The following DNAJC15 variants were observed in gnomAD, a reference collection of about 807,000 sequenced individuals.
DNAJC15 encodes dnaJ homolog subfamily C member 15.
DNAJC15 carries 27 observed loss-of-function variants against 22.4 expected under a neutral mutation model. That is an observed-to-expected ratio of 1.20 (90% CI 0.89 to 1.66). DNAJC15 has a LOEUF of 1.66. Among genes scored for constraint, DNAJC15 ranks in the 40% most tolerant of loss-of-function variants. The pLI is 0.00. For synonymous variants in DNAJC15, 79 were observed against 63.2 expected (o/e 1.25, Z -1.19); for missense variants, 208 against 187.1 (o/e 1.11, Z -0.65).
chr13:43,024,698 T>C (rs2040371574), intron 1 of DNAJC15, among the ~76,000 whole-genome samples: 1 of 151,842 alleles, frequency 6.6e-6, no homozygotes, highest in Admixed American at 6.6e-5. Context: ...CAGGTGGGTT[T>C]GATTTTAACC....
chr13:43,039,276 C>T (rs558400430), intron 1 of DNAJC15, among the ~76,000 whole-genome samples: 5 of 152,248 alleles, frequency 3.3e-5, no homozygotes, highest in Admixed American at 2.6e-4. Context: ...TCTATGATTC[C>T]GTGACATTGA....
At position 43,110,575 on chromosome 13, in the gene DNAJC15, A is replaced by C. The variant is rs1323004478; in HGVS notation, c.*3327A>C. 2.6e-5 allele frequency: 4 copies of C among 152,166 alleles called. No individual in the cohort carries two copies. Among genetic ancestry groups the C allele is most frequent in the Non-Finnish European group, 5.9e-5 (4 of 68,038 alleles). The allele number at this position is 152,166 out of a possible 1,614,324, so 9.4% of individuals were successfully genotyped here. A position where few individuals can be genotyped will look rare whatever the true frequency, so the allele number is the denominator to read the frequency against. The stretch of plus-strand genomic sequence containing the variant: ...CAGAAAGTTTCAGATAATAAATACA[A>C]CTATTTTTCTGCTGTTACCCTTGTA... On this transcript the variant is annotated 3_prime_UTR_variant, in exon 6 of 6. Coordinates refer to ENST00000379221, the MANE Select transcript of DNAJC15 (RefSeq NM_013238.3).
chr13:43,076,424 C>G (rs2040634222), intron 3 of DNAJC15, among the ~76,000 whole-genome samples: 1 of 152,174 alleles, frequency 6.6e-6, no homozygotes, highest in African/African-American at 2.4e-5. Flanking sequence ...AAGCTCTAGT[C>G]ATTTCCTTAG....
Position 43,110,163 on chromosome 13 carries a change from G to A in DNAJC15, c.*2915G>A, listed in dbSNP as rs2040817830. ...TTCTCTGGCCAGCAAGTTGGGCCTG[G>A]TTGTTGGCTGAGAGCCTCAGTTCCT... On this transcript the variant is annotated 3_prime_UTR_variant, in exon 6 of 6. Transcript: ENST00000379221. 6.6e-6 allele frequency: 1 copy of A among 152,220 alleles called. No homozygotes were observed. Among genetic ancestry groups the A allele is most frequent in the African/African-American group, 2.4e-5 (1 of 41,442 alleles). 9.4% of individuals were successfully genotyped at this position (152,220 alleles called of 1,614,324 possible).
chr13:43,065,010 T>C (rs888918821), intron 1 of DNAJC15, among the ~76,000 whole-genome samples: 3 of 151,954 alleles, frequency 2.0e-5, no homozygotes, highest in Admixed American at 6.6e-5. Flanking sequence ...AGGATTACCA[T>C]TGATCCTTGC....
chr13:43,024,030 T>C (rs532757768), intron 1 of DNAJC15, among the ~76,000 whole-genome samples: 2 of 152,352 alleles, frequency 1.3e-5, no homozygotes, highest in Admixed American at 6.5e-5. Context: ...ATGTGGATTT[T>C]CCTATCTCAT....
chr13:43,103,115 A>G (rs1417232430), intron 5 of DNAJC15, among the ~76,000 whole-genome samples: 2 of 152,112 alleles, frequency 1.3e-5, no homozygotes, highest in African/African-American at 4.8e-5. Flanking sequence ...TCTCTCTCGA[A>G]TGCTAATTTC....
intron 1 of DNAJC15, among the ~76,000 whole-genome samples, chr13:43,060,847 G>A (rs377641679): frequency 6.6e-6 from 1 of 152,160 alleles, no homozygotes; most frequent in African/African-American, 2.4e-5. Flanking sequence ...AAATGACTGC[G>A]GTGGTCTTCT....
At chr13:43,078,086 A>C (rs558152940) in intron 3 of DNAJC15, among the ~76,000 whole-genome samples, 6 of 152,242 alleles carry the variant, frequency 3.9e-5, no homozygotes, top group African/African-American at 1.4e-4. Flanking sequence ...TCTGGTTCCC[A>C]TTATATCTCG....
At chr13:43,055,889 C>T (rs1001673274) in intron 1 of DNAJC15, among the ~76,000 whole-genome samples, 13 of 152,054 alleles carry the variant, frequency 8.5e-5, no homozygotes, top group African/African-American at 3.1e-4. Flanking sequence ...TATGAACTTT[C>T]CTCTTAGCAC....
chr13:43,057,469 G>T (rs977760585), intron 1 of DNAJC15, among the ~76,000 whole-genome samples: 7 of 151,804 alleles, frequency 4.6e-5, no homozygotes, highest in African/African-American at 1.5e-4. Context: ...TTTCTTTATG[G>T]TATCTATTTC....
At chr13:43,058,841 G>A (rs1231003269) in intron 1 of DNAJC15, among the ~76,000 whole-genome samples, 1 of 152,060 alleles carries the variant, frequency 6.6e-6, no homozygotes, top group East Asian at 1.9e-4. Context: ...TTTAATTTTC[G>A]CTCAGCTCTC....
intron 5 of DNAJC15, among the ~76,000 whole-genome samples, chr13:43,096,345 T>C (rs1051226948): frequency 2.0e-5 from 3 of 152,192 alleles, no homozygotes; most frequent in African/African-American, 7.2e-5. Context: ...ACTGCAATCC[T>C]CTATTTATTT....
chr13:43,054,121 CT>C (rs989086228), intron 1 of DNAJC15, among the ~76,000 whole-genome samples: 2 of 151,344 alleles, frequency 1.3e-5, no homozygotes, highest in South Asian at 4.1e-4. Context: ...TGATGGAATG[CT>C]GGATTTTGTC....
chr13:43,107,524 TACACACACAC>T lies in DNAJC15; in HGVS notation c.*299_*308del, dbSNP rs57085120. Reference sequence around the variant, plus strand: ...TTTTGTTATGTTCTGAATTCCCCCCTACACACACACACACACACACACACACACACACGTG... The same window carrying T: ...TTTTGTTATGTTCTGAATTCCCCCCTACACACACACACACACACACACGTG... On this transcript the variant is annotated 3_prime_UTR_variant, in exon 6 of 6. Transcript: ENST00000379221. 3,933 of 161,614 alleles carry T rather than the reference TACACACACAC, an allele frequency of 0.024. 72 individuals are homozygous for T. The highest frequency in any genetic ancestry group is 0.037 in the Non-Finnish European group (2,760 of 75,288). 10.0% of individuals were successfully genotyped at this position (161,614 alleles called of 1,614,324 possible).
chr13:43,056,039 TGCATG>T, intron 1 of DNAJC15, among the ~76,000 whole-genome samples: 1 of 152,316 alleles, frequency 6.6e-6, no homozygotes, highest in Non-Finnish European at 1.5e-5. Context: ...TCTATGTATT[TGCATG>T]GTTTTGAGGG....
intron 5 of DNAJC15, among the ~76,000 whole-genome samples, chr13:43,094,822 C>T (rs1407329074): frequency 6.6e-6 from 1 of 152,132 alleles, no homozygotes; most frequent in Non-Finnish European, 1.5e-5. Flanking sequence ...CTTCTTGTGT[C>T]CATTGCCCAT....
intron 1 of DNAJC15, among the ~76,000 whole-genome samples, chr13:43,045,782 C>T (rs2153440020): frequency 6.6e-6 from 1 of 152,276 alleles, no homozygotes; most frequent in South Asian, 2.1e-4. Flanking sequence ...TCTCTCTTCC[C>T]TCACTCTCAC....
intron 4 of DNAJC15, among the ~76,000 whole-genome samples, chr13:43,079,302 C>T (rs571600693): frequency 6.6e-6 from 1 of 152,216 alleles, no homozygotes; most frequent in Admixed American, 6.5e-5. Flanking sequence ...TCATGTACAA[C>T]AAATCTTCTG....
Sources: gnomAD v4.1 joint callset for allele counts (sites outside exome capture counted in the v4.1 genomes callset) on GRCh38, gnomAD v4.1.1 for gene constraint, MANE v1.5 for transcripts, NCBI Gene and HGNC (gene_info 2026-07-23, HGNC 2026-07-21) for gene names.